The following NRXN3 variants were observed in gnomAD, a reference collection of about 807,000 sequenced individuals.
The protein encoded by NRXN3 is neurexin III.
In NRXN3, 32 loss-of-function variants were observed where a neutral mutation model predicts 137.6. The observed-to-expected ratio is 0.23, with a 90% confidence interval of 0.18 to 0.31. The LOEUF is 0.31. Among genes scored for constraint, NRXN3 ranks in the 10% least tolerant of loss-of-function variants. The pLI is 1.00. For missense variants in NRXN3, 1,574 were observed against 2,062.5 expected (o/e 0.76, Z 4.59); for synonymous variants, 798 against 784.5 (o/e 1.02, Z -0.29).
At chr14:79,773,180 G>T (rs1809967792) in intron 19 of NRXN3, among the ~76,000 whole-genome samples, 1 of 152,130 alleles carries the variant, frequency 6.6e-6, no homozygotes, top group South Asian at 2.1e-4. Context: ...ACTGTTGGTG[G>T]GACTGTAAAC....
At chr14:78,374,066 G>C (rs1332917208) in intron 4 of NRXN3, among the ~76,000 whole-genome samples, 1 of 152,158 alleles carries the variant, frequency 6.6e-6, no homozygotes, top group Non-Finnish European at 1.5e-5. Context: ...CTAAAAACTA[G>C]GTCCGTCCTG....
intron 15 of NRXN3, among the ~76,000 whole-genome samples, chr14:79,464,373 A>G (rs1381807130): frequency 6.6e-6 from 1 of 152,178 alleles, no homozygotes; most frequent in African/African-American, 2.4e-5. Flanking sequence ...TTTTTAGTCT[A>G]TCCTATCAAA....
intron 15 of NRXN3, among the ~76,000 whole-genome samples, chr14:79,010,125 A>C (rs1458868415): frequency 1.3e-5 from 2 of 152,106 alleles, no homozygotes; most frequent in African/African-American, 4.8e-5. Context: ...CTCCTTCAAT[A>C]CTTCATTTAG....
chr14:79,106,660 A>G (rs1378952814), intron 15 of NRXN3, among the ~76,000 whole-genome samples: 2 of 152,164 alleles, frequency 1.3e-5, no homozygotes, highest in Non-Finnish European at 2.9e-5. Context: ...TTTAAAAAGT[A>G]TCTTTCTAAA....
intron 16 of NRXN3, 86 bp downstream of exon 16, chr14:79,467,488 A>G (rs1305394411): frequency 1.7e-6 from 2 of 1,206,176 alleles, no homozygotes; most frequent in Admixed American, 4.8e-5. Context: ...AACATTCTAG[A>G]TCAATATGGC....
At chr14:79,752,384 A>G (rs1280342990) in intron 19 of NRXN3, among the ~76,000 whole-genome samples, 2 of 152,158 alleles carry the variant, frequency 1.3e-5, no homozygotes, top group African/African-American at 4.8e-5. Flanking sequence ...AGATCAATGG[A>G]ACAGAACAGA....
intron 8 of NRXN3, among the ~76,000 whole-genome samples, chr14:78,757,266 C>T (rs911719380): frequency 2.0e-5 from 3 of 151,884 alleles, no homozygotes; most frequent in African/African-American, 2.4e-5. Context: ...AGAAATTAGC[C>T]GAATGTGGCA....
At chr14:79,850,734 T>G (rs1331220035) in intron 20 of NRXN3, among the ~76,000 whole-genome samples, 1 of 152,110 alleles carries the variant, frequency 6.6e-6, no homozygotes, top group East Asian at 1.9e-4. Flanking sequence ...AAAAACCTAG[T>G]GTAGATAGCT....
rs557051904 is a variant in NRXN3 at position 79,569,602 on chromosome 14, C to T, written c.3445-94176C>T. On this transcript the variant is annotated intron_variant, in intron 16 of 20. Coordinates refer to ENST00000335750, the MANE Select transcript of NRXN3 (RefSeq NM_001330195.2). ...AATTAATGGGCTTTTGAATGAGCAA[C>T]GTGTGTGTGTGTGTGTGTGTGTGTG... Among the ~76,000 whole-genome samples, 139 of 145,612 alleles carry T rather than the reference C, an allele frequency of 9.5e-4. 1 individual carries two copies. The highest frequency in any genetic ancestry group is 2.1e-3 in the South Asian group (9 of 4,348).
At chr14:78,912,631 G>T (rs999345242) in intron 10 of NRXN3, among the ~76,000 whole-genome samples, 1 of 152,092 alleles carries the variant, frequency 6.6e-6, no homozygotes, top group Non-Finnish European at 1.5e-5. Flanking sequence ...CAAAAGGTTA[G>T]ATAGAACTTG....
intron 2 of NRXN3, among the ~76,000 whole-genome samples, chr14:78,259,132 A>C (rs1181819176): frequency 1.2e-5 from 1 of 80,370 alleles, no homozygotes; most frequent in Non-Finnish European, 2.6e-5. Flanking sequence ...ACTCCATCTC[A>C]AAAAAAAAAA....
intron 20 of NRXN3, among the ~76,000 whole-genome samples, chr14:79,858,060 G>T (rs140947561): frequency 4.5e-4 from 68 of 151,944 alleles, no homozygotes; most frequent in African/African-American, 1.6e-3. Flanking sequence ...TTCACTTTGG[G>T]ACTCACCAGG....
chr14:78,188,523 T>C (rs1458221380), intron 1 of NRXN3, among the ~76,000 whole-genome samples: 1 of 152,212 alleles, frequency 6.6e-6, no homozygotes, highest in Non-Finnish European at 1.5e-5. Context: ...TGGGGTCAGA[T>C]GCCATGGAAA....
At chr14:78,508,961 C>T (rs79283647) in intron 4 of NRXN3, among the ~76,000 whole-genome samples, 5,495 of 152,144 alleles carry the variant, frequency 0.036, 293 homozygotes, top group African/African-American at 0.12. Context: ...GAGAATATTA[C>T]TCTGTTATAG....
At chr14:78,359,547 GAGC>G (rs1428155895) in intron 4 of NRXN3, among the ~76,000 whole-genome samples, 1 of 152,130 alleles carries the variant, frequency 6.6e-6, no homozygotes, top group African/African-American at 2.4e-5. Context: ...AGCTAGAGTT[GAGC>G]TACTGTATTA....
chr14:78,343,205 A>G (rs214012), intron 4 of NRXN3, among the ~76,000 whole-genome samples: 120,608 of 152,106 alleles, frequency 0.79, 49,525 homozygotes, highest in Non-Finnish European at 0.9. Flanking sequence ...TTTTGCTTCT[A>G]CCATTTGGGT....
At chr14:79,247,095 A>G (rs1288245461) in intron 15 of NRXN3, 2 of 152,176 alleles carry the variant, frequency 1.3e-5, no homozygotes, top group Non-Finnish European at 1.5e-5. Flanking sequence ...TTGGTTTTGC[A>G]AACCATACTG....
intron 4 of NRXN3, among the ~76,000 whole-genome samples, chr14:78,565,907 G>A (rs185516365): frequency 6.6e-6 from 1 of 152,310 alleles, no homozygotes; most frequent in Admixed American, 6.5e-5. Flanking sequence ...AGCAACAATT[G>A]AGTCAGAGAA....
chr14:79,345,014 T>C (rs1442942725), intron 15 of NRXN3, among the ~76,000 whole-genome samples: 2 of 152,212 alleles, frequency 1.3e-5, no homozygotes, highest in African/African-American at 4.8e-5. Flanking sequence ...CTTCATCCAA[T>C]ATGCTCTTGT....
Sources: allele counts gnomAD v4.1 joint callset (sites outside exome capture counted in the v4.1 genomes callset), GRCh38; gene constraint gnomAD v4.1.1; transcripts MANE v1.5; gene names NCBI Gene and HGNC (gene_info 2026-07-23, HGNC 2026-07-21).